The following ANKRD17 variants were observed in gnomAD, a reference collection of about 807,000 sequenced individuals.
ANKRD17 encodes the protein ankyrin repeat domain 17.
ANKRD17 carries 19 observed loss-of-function variants against 229.7 expected under a neutral mutation model. The observed-to-expected ratio is 0.08, with a 90% CI of 0.06 to 0.12. The LOEUF is 0.12. Among genes scored for constraint, ANKRD17 ranks in the 10% least tolerant of loss-of-function variants. The pLI is 1.00. For synonymous variants in ANKRD17, 1,112 were observed against 1,146.1 expected, an observed-to-expected ratio of 0.97 and a Z score of 0.60; for missense variants, 2,176 against 3,176.8, an observed-to-expected ratio of 0.68 and a Z score of 7.57.
chr4:73,094,903 G>A (rs2110184180), intron 27 of ANKRD17, among the ~76,000 whole-genome samples: 1 of 152,234 alleles, frequency 6.6e-6, no homozygotes, highest in South Asian at 2.1e-4. Context: ...GGGAGTGGTG[G>A]CTCATGCCTG....
At chr4:73,142,962 T>A (rs1729797823) in intron 11 of ANKRD17, among the ~76,000 whole-genome samples, 195 bp from the exon 12 acceptor site, 1 of 152,212 alleles carries the variant, frequency 6.6e-6, no homozygotes, top group South Asian at 2.1e-4. Flanking sequence ...TCTCCCATCT[T>A]GGATTATTCT....
intron 30 of ANKRD17, among the ~76,000 whole-genome samples, chr4:73,079,146 T>A (rs990162437): frequency 1.6e-4 from 24 of 152,170 alleles, no homozygotes; most frequent in Non-Finnish European, 2.1e-4. Context: ...TTCAAATGAA[T>A]TAACCCTTGA....
chr4:73,088,296 A>G (rs1336511080), intron 29 of ANKRD17, among the ~76,000 whole-genome samples: 1 of 152,186 alleles, frequency 6.6e-6, no homozygotes, highest in Non-Finnish European at 1.5e-5. Context: ...AAATAAAAGG[A>G]CATACTTCCT....
intron 2 of ANKRD17, among the ~76,000 whole-genome samples, chr4:73,163,399 G>T (rs1169769159): frequency 1.3e-5 from 2 of 152,182 alleles, no homozygotes; most frequent in African/African-American, 4.8e-5. Flanking sequence ...CAGAAATGCA[G>T]AATCTCAGGC....
At chr4:73,187,628 A>G (rs1296050628) in intron 1 of ANKRD17, among the ~76,000 whole-genome samples, 1 of 152,212 alleles carries the variant, frequency 6.6e-6, no homozygotes. Context: ...GAGGCCTTTG[A>G]GCACCAATGC....
chr4:73,112,898 C>T, intron 24 of ANKRD17: 1 of 279,966 alleles, frequency 3.6e-6, no homozygotes, highest in Non-Finnish European at 5.4e-6. Flanking sequence ...AGTGATTCTC[C>T]TGCCTCAGCC....
chr4:73,256,392 C>A (rs542725208), intron 1 of ANKRD17, among the ~76,000 whole-genome samples: 3 of 152,126 alleles, frequency 2.0e-5, no homozygotes, highest in Non-Finnish European at 4.4e-5. Flanking sequence ...AATAGTTTCA[C>A]GAGAATTTAA....
chr4:73,210,697 G>A (rs1234294991), intron 1 of ANKRD17, among the ~76,000 whole-genome samples: 1 of 151,856 alleles, frequency 6.6e-6, no homozygotes, highest in East Asian at 1.9e-4. Context: ...CAATGTGAAG[G>A]GTATATTTTA....
intron 1 of ANKRD17, among the ~76,000 whole-genome samples, chr4:73,236,757 G>A (rs896710975): frequency 3.9e-5 from 6 of 152,226 alleles, no homozygotes; most frequent in Middle Eastern, 3.4e-3. Context: ...ACAGAAGGTA[G>A]TATAGTGTGC....
chr4:73,136,544 GAAAACAAAAC>G (rs544603238), intron 15 of ANKRD17, among the ~76,000 whole-genome samples: 8 of 151,812 alleles, frequency 5.3e-5, no homozygotes, highest in Admixed American at 6.6e-5. Context: ...AAACGAAGGA[GAAAACAAAAC>G]AAAACAAAAC....
chr4:73,234,582 C>T (rs963062213), intron 1 of ANKRD17, among the ~76,000 whole-genome samples: 6 of 152,176 alleles, frequency 3.9e-5, no homozygotes, highest in African/African-American at 9.7e-5. Context: ...AAGAACAGTA[C>T]AATTTAAGCA....
intron 17 of ANKRD17, 61 bp downstream of exon 17, chr4:73,125,139 TA>T: frequency 1.3e-6 from 2 of 1,593,340 alleles, no homozygotes; most frequent in East Asian, 4.5e-5. Flanking sequence ...GACTAAAAAA[TA>T]ATGTTCCTAA....
intron 1 of ANKRD17, among the ~76,000 whole-genome samples, chr4:73,185,220 A>T (rs1736136029): frequency 6.6e-6 from 1 of 151,480 alleles, no homozygotes; most frequent in African/African-American, 2.4e-5. Context: ...AATAAATAAA[A>T]AATATTTATT....
intron 1 of ANKRD17, among the ~76,000 whole-genome samples, chr4:73,213,043 A>AG (rs1740525539): frequency 6.6e-6 from 1 of 151,116 alleles, no homozygotes; most frequent in African/African-American, 2.4e-5. Context: ...AAAAAAAAAA[A>AG]AAAAGAAATA....
At chr4:73,224,049 C>T (rs1578453394) in intron 1 of ANKRD17, among the ~76,000 whole-genome samples, 1 of 151,986 alleles carries the variant, frequency 6.6e-6, no homozygotes, top group African/African-American at 2.4e-5. Context: ...GCCAGGAGTT[C>T]GATCAAGACC....
At chr4:73,107,941 G>A (rs1436356904) in intron 24 of ANKRD17, among the ~76,000 whole-genome samples, 1 of 152,172 alleles carries the variant, frequency 6.6e-6, no homozygotes, top group African/African-American at 2.4e-5. Flanking sequence ...CCAGTTAAAT[G>A]ACTAATGCAG....
At chr4:73,116,986 T>C (rs983015979) in intron 22 of ANKRD17, among the ~76,000 whole-genome samples, 1 of 152,058 alleles carries the variant, frequency 6.6e-6, no homozygotes, top group African/African-American at 2.4e-5. Flanking sequence ...AATAAGTCTA[T>C]CTGGAAAGAT....
At chr4:73,203,658 T>C (rs1468596587) in intron 1 of ANKRD17, among the ~76,000 whole-genome samples, 1 of 146,322 alleles carries the variant, frequency 6.8e-6, no homozygotes, top group Non-Finnish European at 1.5e-5. Context: ...CTCGGGAGGC[T>C]GAGGCAGGGA....
chr4:73,171,190 AG>A (rs2148963535), intron 2 of ANKRD17, among the ~76,000 whole-genome samples: 1 of 149,188 alleles, frequency 6.7e-6, no homozygotes, highest in African/African-American at 2.5e-5. Context: ...AGAGAGAGAG[AG>A]AGAGAGAGAG....
Sources: gnomAD v4.1 joint callset for allele counts (sites outside exome capture counted in the v4.1 genomes callset) on GRCh38, gnomAD v4.1.1 for gene constraint, MANE v1.5 for transcripts, NCBI Gene and HGNC (gene_info 2026-07-23, HGNC 2026-07-21) for gene names.